RPS6KA5: variants seen among roughly 807,000 people sequenced by gnomAD.
The protein encoded by RPS6KA5 is ribosomal protein S6 kinase A5, also known as ribosomal protein S6 kinase alpha-5.
A neutral mutation model predicts 85.5 loss-of-function variants in RPS6KA5; 27 were observed. That is an observed-to-expected ratio of 0.32 (90% CI 0.23 to 0.44). The LOEUF is 0.44. Ranked by LOEUF, RPS6KA5 falls within the 20% of genes least tolerant of loss-of-function variation. RPS6KA5 has a pLI of 1.00. For synonymous variants in RPS6KA5, 334 were observed against 348.2 expected (o/e 0.96, Z 0.46); for missense variants, 811 against 980.9 (o/e 0.83, Z 2.31).
intron 1 of RPS6KA5, among the ~76,000 whole-genome samples, chr14:91,024,208 C>CT (rs978676551): frequency 5.3e-5 from 8 of 151,744 alleles, no homozygotes; most frequent in Non-Finnish European, 1.0e-4. Flanking sequence ...CTGTCTTTTC[C>CT]TTTTTTTTCC....
chr14:90,922,817 T>A (rs984416596), intron 6 of RPS6KA5, among the ~76,000 whole-genome samples: 2 of 152,138 alleles, frequency 1.3e-5, no homozygotes, highest in African/African-American at 4.8e-5. Context: ...ATTTGACTAG[T>A]TTGGAGGTCT....
intron 7 of RPS6KA5, among the ~76,000 whole-genome samples, chr14:90,910,090 T>C (rs1005910728): frequency 2.7e-5 from 4 of 148,894 alleles, no homozygotes; most frequent in Non-Finnish European, 5.9e-5. Flanking sequence ...ACTTGCATTA[T>C]TTAAAAAAAA....
chr14:90,948,347 T>C (rs908206571), intron 3 of RPS6KA5, among the ~76,000 whole-genome samples: 3 of 152,338 alleles, frequency 2.0e-5, no homozygotes, highest in African/African-American at 7.2e-5. Flanking sequence ...CAAAATCCTA[T>C]AGAATAAACT....
At chr14:90,963,175 C>T (rs1447031775) in intron 3 of RPS6KA5, among the ~76,000 whole-genome samples, 1 of 152,164 alleles carries the variant, frequency 6.6e-6, no homozygotes, top group Non-Finnish European at 1.5e-5. Context: ...TGTGGACTAA[C>T]TCTGAATCTG....
intron 2 of RPS6KA5, among the ~76,000 whole-genome samples, chr14:90,997,841 T>C (rs2040595624): frequency 1.3e-5 from 2 of 151,628 alleles, no homozygotes; most frequent in Admixed American, 1.3e-4. Context: ...TGAAACCCCG[T>C]CTCTATTAAA....
Position 90,902,799 on chromosome 14 carries a change from G to A in RPS6KA5, c.1119+9C>T. 1 of 1,612,978 alleles carries A rather than the reference G, an allele frequency of 6.2e-7. No homozygotes were observed. Among genetic ancestry groups the A allele is most frequent in the South Asian group, 1.1e-5 (1 of 90,910 alleles). On this transcript the variant is annotated intron_variant, in intron 9 of 16. Coordinates refer to ENST00000614987, the MANE Select transcript of RPS6KA5 (RefSeq NM_004755.4). ...GGCCAATGTGCATGTGCACAGGATGGGAAATTACCTGAAACAGCTTCTCAG... is the reference window on the plus strand; with the variant it reads ...GGCCAATGTGCATGTGCACAGGATGAGAAATTACCTGAAACAGCTTCTCAG...
At chr14:90,906,427 A>G in intron 7 of RPS6KA5, 128 bp from the exon 8 acceptor site, 2 of 606,156 alleles carry the variant, frequency 3.3e-6, no homozygotes, top group Non-Finnish European at 5.3e-6. Flanking sequence ...TGAATCAATA[A>G]TACCTCAATA....
In RPS6KA5 at chr14:90,903,949, A is replaced by ATT. The variant is rs11453206; in HGVS notation, c.958-982_958-981dup. The stretch of plus-strand genomic sequence containing the variant: ...TAGTAAGTTTAATCAACTACCATAA[A>ATT]TTTTTTTTTTTTTTTGAGACGGAGT... On this transcript the variant is annotated intron_variant, in intron 8 of 16. Transcript: ENST00000614987. Among the ~76,000 whole-genome samples, 838 of 146,058 alleles carry ATT rather than the reference A, an allele frequency of 5.7e-3. 1 individual carries two copies. The highest frequency in any genetic ancestry group is 0.016 in the African/African-American group (642 of 39,756).
chr14:91,021,502 A>C (rs2041781566), intron 1 of RPS6KA5, among the ~76,000 whole-genome samples: 1 of 152,236 alleles, frequency 6.6e-6, no homozygotes, highest in African/African-American at 2.4e-5. Context: ...TAAGCCAGGC[A>C]TGGTGGTTCT....
rs34479269 is a variant in RPS6KA5, at chr14:90,861,521, CA to C, written c.*10552del. 252 of 121,028 alleles carry C rather than the reference CA, an allele frequency of 2.1e-3. 1 individual carries two copies. The highest frequency in any genetic ancestry group is 4.6e-3 in the African/African-American group (145 of 31,618). 7.5% of individuals were successfully genotyped at this position (121,028 alleles called of 1,614,324 possible). A position where few individuals can be genotyped will look rare whatever the true frequency, so the allele number is the denominator to read the frequency against. On this transcript the variant is annotated 3_prime_UTR_variant, in exon 17 of 17. Coordinates refer to ENST00000614987, the MANE Select transcript of RPS6KA5 (RefSeq NM_004755.4). ...TGGGCGACAGAGCGAGACTCTGTCT[CA>C]AAAAAAAAAAAATAATGTCTTATGA...
chr14:90,990,969 A>G (rs1482766993), intron 2 of RPS6KA5, among the ~76,000 whole-genome samples: 1 of 152,120 alleles, frequency 6.6e-6, no homozygotes, highest in East Asian at 1.9e-4. Flanking sequence ...TACACCAAAC[A>G]CCAGCGACAG....
intron 7 of RPS6KA5, among the ~76,000 whole-genome samples, chr14:90,914,309 G>GTTTT (rs10658805): frequency 0.017 from 1,376 of 81,318 alleles, 22 homozygotes; most frequent in East Asian, 0.027. Flanking sequence ...GATCCCTAGG[G>GTTTT]TTTTTTTTTT....
intron 1 of RPS6KA5, among the ~76,000 whole-genome samples, chr14:91,055,863 C>T (rs1456379753): frequency 6.6e-6 from 1 of 152,198 alleles, no homozygotes; most frequent in Non-Finnish European, 1.5e-5. Context: ...AGCTGCCTGT[C>T]ATGAGAATGC....
intron 7 of RPS6KA5, among the ~76,000 whole-genome samples, chr14:90,911,898 T>G (rs968184793): frequency 1.3e-5 from 2 of 152,210 alleles, no homozygotes; most frequent in Non-Finnish European, 2.9e-5. Flanking sequence ...TAAAATGAGT[T>G]TCGCTTACAA....
chr14:90,898,117 TTAAAG>T (rs1460413523), intron 12 of RPS6KA5, among the ~76,000 whole-genome samples: 23 of 152,282 alleles, frequency 1.5e-4, no homozygotes, highest in African/African-American at 5.1e-4. Flanking sequence ...AGGCAGTAGT[TTAAAG>T]TAAATAAAAG....
chr14:90,912,013 T>C (rs1461040700), intron 7 of RPS6KA5, among the ~76,000 whole-genome samples: 1 of 152,116 alleles, frequency 6.6e-6, no homozygotes, highest in Non-Finnish European at 1.5e-5. Context: ...TTTTCTCTTC[T>C]ACCCAACCCA....
intron 1 of RPS6KA5, among the ~76,000 whole-genome samples, chr14:91,037,594 A>G (rs2042454227): frequency 6.6e-6 from 1 of 152,208 alleles, no homozygotes; most frequent in Non-Finnish European, 1.5e-5. Context: ...CTCCAGTCTC[A>G]TATAGTAAAT....
At chr14:91,000,254 C>T (rs2040727337) in intron 2 of RPS6KA5, among the ~76,000 whole-genome samples, 1 of 151,902 alleles carries the variant, frequency 6.6e-6, no homozygotes, top group South Asian at 2.1e-4. Context: ...GAGAGCTTTC[C>T]AAAATATTAA....
chr14:90,918,123 T>C (rs1240928577), intron 7 of RPS6KA5, among the ~76,000 whole-genome samples: 3 of 152,212 alleles, frequency 2.0e-5, no homozygotes, highest in Non-Finnish European at 4.4e-5. Flanking sequence ...TTCCAAAGTT[T>C]TTGTACCATT....
Sources: gnomAD v4.1 joint callset for allele counts (sites outside exome capture counted in the v4.1 genomes callset) on GRCh38, gnomAD v4.1.1 for gene constraint, MANE v1.5 for transcripts, NCBI Gene and HGNC (gene_info 2026-07-23, HGNC 2026-07-21) for gene names.